The following SEPTIN9 variants were observed in gnomAD, a reference collection of about 807,000 sequenced individuals.
SEPTIN9 encodes the protein septin 9.
A neutral mutation model predicts 56.6 loss-of-function variants in SEPTIN9; 13 were observed. The observed-to-expected ratio is 0.23, with a 90% CI of 0.15 to 0.37. SEPTIN9 has a LOEUF of 0.37. Ranked by LOEUF, SEPTIN9 falls within the 10% of genes least tolerant of loss-of-function variation. The pLI is 1.00. For missense variants in SEPTIN9, 650 were observed against 823.1 expected (o/e 0.79, Z 2.57); for synonymous variants, 332 against 334.1 (o/e 0.99, Z 0.07).
At chr17:77,455,789 T>C (rs1255518674) in intron 3 of SEPTIN9, among the ~76,000 whole-genome samples, 1 of 152,244 alleles carries the variant, frequency 6.6e-6, no homozygotes, top group African/African-American at 2.4e-5. Flanking sequence ...ATGGTCAGCA[T>C]TGTGTGACCG....
At position 77,310,618 on chromosome 17, in the gene SEPTIN9, G is replaced by A. The variant is rs893434848; in HGVS notation, c.76+3421G>A. Among the ~76,000 whole-genome samples, 9 of 152,144 alleles carry A rather than the reference G, an allele frequency of 5.9e-5. No homozygotes were observed. The highest frequency in any genetic ancestry group is 5.2e-4 in the Admixed American group (8 of 15,278). On this transcript the variant is annotated intron_variant, in intron 2 of 11. Transcript: ENST00000427177. The surrounding 1 kb of genome is among the most constrained non-coding windows in gnomAD (Gnocchi z 4.7). ...GTGGATTTGGCTGGGCTGTGGAGAT[G>A]CGCTTCTCAGCCCTTCTAGATGTTA...
At chr17:77,350,208 G>T (rs896723295) in intron 2 of SEPTIN9, among the ~76,000 whole-genome samples, 1 of 152,178 alleles carries the variant, frequency 6.6e-6, no homozygotes, top group Non-Finnish European at 1.5e-5. Context: ...TGCAGACAGG[G>T]TGGGTCGGCT....
At chr17:77,376,679 G>C (rs577535291) in intron 2 of SEPTIN9, 1 of 152,622 alleles carries the variant, frequency 6.6e-6, no homozygotes, top group South Asian at 2.1e-4. Flanking sequence ...GCAGTATACA[G>C]GGTAGACGGC....
In SEPTIN9 at chr17:77,423,923, G is replaced by A. The variant is rs989515565; in HGVS notation, c.721+21220G>A. Among the ~76,000 whole-genome samples the A allele has an allele frequency of 1.6e-4, 24 of 150,934 alleles. No individual in the cohort carries two copies. The East Asian group carries it at 3.6e-3, about 22-fold the overall frequency. The stretch of plus-strand genomic sequence containing the variant: ...GAGCTCATCTGGAGGGTGGCCGCCC[G>A]CCCTGAGCCCTGCCTGGGGCCAGCA... On this transcript the variant is annotated intron_variant, in intron 3 of 11. Transcript: ENST00000427177.
chr17:77,381,161 C>T (rs2035129568), intron 2 of SEPTIN9, among the ~76,000 whole-genome samples: 1 of 152,186 alleles, frequency 6.6e-6, no homozygotes, highest in Non-Finnish European at 1.5e-5. Flanking sequence ...GGGAGGGAGC[C>T]ACCTGGGCCA....
At chr17:77,285,185 C>T (rs536222250) in intron 1 of SEPTIN9, among the ~76,000 whole-genome samples, 36 of 152,194 alleles carry the variant, frequency 2.4e-4, no homozygotes, top group South Asian at 1.7e-3. Flanking sequence ...GCCAGCTGCA[C>T]TGTACCCGCC....
intron 2 of SEPTIN9, among the ~76,000 whole-genome samples, chr17:77,315,349 G>C (rs1189896195): frequency 1.3e-5 from 2 of 151,218 alleles, no homozygotes; most frequent in Non-Finnish European, 2.9e-5. Context: ...GTGCAGTGGC[G>C]TGATCTAGGC....
At chr17:77,320,172 C>T (rs1229527904) in intron 2 of SEPTIN9, 11 of 1,551,636 alleles carry the variant, frequency 7.1e-6, no homozygotes, top group Non-Finnish European at 9.6e-6. Flanking sequence ...GTGATTGCAA[C>T]AGATTGAAGA....
At chr17:77,401,962 A>G (rs1393569436) in intron 2 of SEPTIN9, 97 bp from the exon 3 acceptor site, 9 of 1,326,544 alleles carry the variant, frequency 6.8e-6, no homozygotes, top group Non-Finnish European at 7.3e-6. Flanking sequence ...TCACCGCCGC[A>G]TCGCCTGCCT....
rs2034605582 is a variant in SEPTIN9 at position 77,367,452 on chromosome 17, G to A, written c.77-34607G>A. Among the ~76,000 whole-genome samples, 1 of 152,228 alleles carries A rather than the reference G, an allele frequency of 6.6e-6. No individual in the cohort carries two copies. The highest frequency in any genetic ancestry group is 2.4e-5 in the African/African-American group (1 of 41,454). On this transcript the variant is annotated intron_variant, in intron 2 of 11. Transcript: ENST00000427177. This position sits in a 1 kb window ranked among gnomAD's most constrained non-coding sequence, Gnocchi z 4.5. The stretch of plus-strand genomic sequence containing the variant: ...TCATTGCACAGGATCGAACAGGTGT[G>A]TGTGGAGTCCCTAAAGCCACTGTCT...
chr17:77,416,973 T>C (rs1407392834), intron 3 of SEPTIN9, among the ~76,000 whole-genome samples: 1 of 152,146 alleles, frequency 6.6e-6, no homozygotes, highest in Non-Finnish European at 1.5e-5. Context: ...ACAATGAAAA[T>C]AATAGTCCCA....
At chr17:77,381,316 G>A (rs2035134704) in intron 2 of SEPTIN9, among the ~76,000 whole-genome samples, 1 of 152,230 alleles carries the variant, frequency 6.6e-6, no homozygotes, top group African/African-American at 2.4e-5. Context: ...GCAGGGCCCT[G>A]AAAGATGGAG....
intron 2 of SEPTIN9, among the ~76,000 whole-genome samples, chr17:77,368,921 C>T (rs2034644498): frequency 1.3e-5 from 2 of 152,188 alleles, no homozygotes; most frequent in African/African-American, 4.8e-5. Context: ...TTCTCAGTCT[C>T]ACCTCCAATG....
chr17:77,499,961 C>A lies in SEPTIN9; in HGVS notation c.*1303C>A, dbSNP rs1323479565. 4.1e-6 allele frequency: 1 copy of A among 241,662 alleles called. No individual in the cohort carries two copies. The highest frequency in any genetic ancestry group is 2.2e-5 in the African/African-American group (1 of 45,546). The allele number at this position is 241,662 out of a possible 1,614,324, so 15.0% of individuals were successfully genotyped here. A position where few individuals can be genotyped will look rare whatever the true frequency, so the allele number is the denominator to read the frequency against. On this transcript the variant is annotated 3_prime_UTR_variant, in exon 12 of 12. Coordinates refer to ENST00000427177, the MANE Select transcript of SEPTIN9 (RefSeq NM_001113491.2). ...TGGCAGCACGGCCCGGCCCCTCACC[C>A]TCTGTCCCCACGAGGGGACCCATGG...
rs1282637934 is a variant in SEPTIN9, at chr17:77,327,430, C to T, written c.76+20233C>T. ...GGTGCTCCCCAGGGTCTCCCACTGGCAAGGGCATTGGCATAGATTCTGGGG... is the reference window on the plus strand; with the variant it reads ...GGTGCTCCCCAGGGTCTCCCACTGGTAAGGGCATTGGCATAGATTCTGGGG... On this transcript the variant is annotated intron_variant, in intron 2 of 11. Coordinates refer to ENST00000427177, the MANE Select transcript of SEPTIN9 (RefSeq NM_001113491.2). This position sits in a 1 kb window ranked among gnomAD's most constrained non-coding sequence, Gnocchi z 5.0. Among the ~76,000 whole-genome samples the T allele has an allele frequency of 6.6e-6, 1 of 152,196 alleles. No homozygotes were observed.
chr17:77,281,678 C>G, intron 1 of SEPTIN9, 124 bp downstream of exon 1: 1 of 955,024 alleles, frequency 1.0e-6, no homozygotes, highest in East Asian at 3.1e-5. Context: ...GGCGGGCACA[C>G]TGCAGGTCGA....
chr17:77,287,988 C>T, intron 1 of SEPTIN9: 1 of 1,057,872 alleles, frequency 9.5e-7, no homozygotes, highest in East Asian at 5.2e-5. Flanking sequence ...CCTTCAGTGG[C>T]CTTTGTGTCT....
chr17:77,303,378 G>A (rs563245803), intron 1 of SEPTIN9, among the ~76,000 whole-genome samples: 3 of 151,328 alleles, frequency 2.0e-5, no homozygotes, highest in South Asian at 2.1e-4. Context: ...GATTACAGGC[G>A]TGAGTCACCA....
Position 77,475,763 on chromosome 17 carries a change from A to G in SEPTIN9, c.722-6381A>G. 6.2e-7 allele frequency: 1 copy of G among 1,613,128 alleles called. No homozygotes were observed. ...AGATGCCGGCAGCTTTCTCCTGGACACGGGCCTGGAAGGCTGACAGGGTGT... is the reference window on the plus strand; with the variant it reads ...AGATGCCGGCAGCTTTCTCCTGGACGCGGGCCTGGAAGGCTGACAGGGTGT... On this transcript the variant is annotated intron_variant, in intron 3 of 11. Coordinates refer to ENST00000427177, the MANE Select transcript of SEPTIN9 (RefSeq NM_001113491.2). The surrounding 1 kb of genome is among the most constrained non-coding windows in gnomAD (Gnocchi z 4.6).
Sources: allele counts gnomAD v4.1 joint callset (sites outside exome capture counted in the v4.1 genomes callset), GRCh38; gene constraint gnomAD v4.1.1; non-coding constraint Gnocchi (gnomAD v3.1); transcripts MANE v1.5; gene names NCBI Gene and HGNC (gene_info 2026-07-23, HGNC 2026-07-21).